The following FAM89A variants were observed in gnomAD, a reference collection of about 807,000 sequenced individuals.
The protein encoded by FAM89A is family with sequence similarity 89 member A.
A neutral mutation model predicts 7.1 loss-of-function variants in FAM89A; 10 were observed. That is an observed-to-expected ratio of 1.40 (90% CI 0.86 to 2.38). The LOEUF (loss-of-function observed/expected upper bound fraction) is 2.38. Among genes scored for constraint, FAM89A ranks in the 30% most tolerant of loss-of-function variants. The pLI is 0.00. For missense variants in FAM89A, 276 were observed against 262.8 expected (o/e 1.05, Z -0.35); for synonymous variants, 157 against 129.3 (o/e 1.21, Z -1.45).
chr1:231,021,870 A>G, intron 1 of FAM89A: 1 of 1,587,354 alleles, frequency 6.3e-7, no homozygotes, highest in South Asian at 1.1e-5. Context: ...CCCCAGGACC[A>G]TGCTGACAGC....
chr1:231,037,858 C>T lies in FAM89A; in HGVS notation c.291+2063G>A, dbSNP rs550636539. On this transcript the variant is annotated intron_variant, in intron 1 of 1. Transcript: ENST00000366654. Reference sequence around the variant, plus strand: ...GAAGTTGCCCCTCTTTCTATGCTTGCTTTAAAAAAAAAAATTTCTTTAAGG... The same window carrying T: ...GAAGTTGCCCCTCTTTCTATGCTTGTTTTAAAAAAAAAAATTTCTTTAAGG... Among the ~76,000 whole-genome samples the T allele has an allele frequency of 1.4e-3, 209 of 152,020 alleles. 1 individual carries two copies. The highest frequency in any genetic ancestry group is 3.3e-3 in the Admixed American group (50 of 15,272).
chr1:231,025,592 GCT>G (rs1679955924), intron 1 of FAM89A, among the ~76,000 whole-genome samples: 1 of 152,002 alleles, frequency 6.6e-6, no homozygotes, highest in African/African-American at 2.4e-5. Flanking sequence ...AGACACCACT[GCT>G]TGCTCTTTTT....
intron 1 of FAM89A, chr1:231,021,916 G>A (rs1443025321): frequency 1.3e-6 from 2 of 1,523,090 alleles, no homozygotes; most frequent in African/African-American, 2.7e-5. Flanking sequence ...TGTTGTCCAG[G>A]GACAGAGACG....
intron 1 of FAM89A, among the ~76,000 whole-genome samples, chr1:231,024,076 T>C (rs1284816188): frequency 6.6e-6 from 1 of 152,212 alleles, no homozygotes; most frequent in East Asian, 1.9e-4. Context: ...AAAAAATGTC[T>C]TTCCTTTTTT....
intron 1 of FAM89A, chr1:231,021,854 A>C: frequency 6.3e-7 from 1 of 1,593,604 alleles, no homozygotes; most frequent in African/African-American, 1.3e-5. Context: ...GAATGCTAGG[A>C]GGCTGCCCCA....
rs1268826828 is a variant in FAM89A, at chr1:231,019,123, G to C, written c.*740C>G. The C allele has an allele frequency of 6.6e-6, 1 of 150,890 alleles. No individual in the cohort carries two copies. Among genetic ancestry groups the C allele is most frequent in the African/African-American group, 2.4e-5 (1 of 41,004 alleles). 9.3% of individuals were successfully genotyped at this position (150,890 alleles called of 1,614,324 possible). ...CGGAATCTTAAAAATGAAAACATTT[G>C]CCATCTTACAGTGAGTGATACATCA... On this transcript the variant is annotated 3_prime_UTR_variant, in exon 2 of 2. Transcript: ENST00000366654.
chr1:231,037,693 C>A (rs1437737565), intron 1 of FAM89A, among the ~76,000 whole-genome samples: 1 of 152,150 alleles, frequency 6.6e-6, no homozygotes, highest in Non-Finnish European at 1.5e-5. Context: ...GTCCACCTGC[C>A]CAGGCCCTTC....
intron 1 of FAM89A, chr1:231,021,953 A>C: frequency 1.4e-6 from 2 of 1,418,368 alleles, no homozygotes; most frequent in South Asian, 1.2e-5. Flanking sequence ...CACTTCCAGA[A>C]ACACCAGGGA....
chr1:231,033,582 G>A (rs1303744688), intron 1 of FAM89A, among the ~76,000 whole-genome samples: 1 of 152,168 alleles, frequency 6.6e-6, no homozygotes, highest in African/African-American at 2.4e-5. Context: ...AGAAATGCCA[G>A]GGCTATTGCT....
At position 231,019,785 on chromosome 1, in the gene FAM89A, T is replaced by C. The variant is rs1679837660; in HGVS notation, c.*78A>G. On this transcript the variant is annotated 3_prime_UTR_variant, in exon 2 of 2. Transcript: ENST00000366654. ...GACCGTCCACAACGGAGGTGCTTTCTTGCAAGAGAAGCAGCAAATGATGAC... is the reference window on the plus strand; with the variant it reads ...GACCGTCCACAACGGAGGTGCTTTCCTGCAAGAGAAGCAGCAAATGATGAC... 1 of 1,520,844 alleles carries C rather than the reference T, an allele frequency of 6.6e-7. No homozygotes were observed. The highest frequency in any genetic ancestry group is 1.3e-5 in the South Asian group (1 of 79,742). The allele number at this position is 1,520,844 out of a possible 1,614,324, so 94.2% of individuals were successfully genotyped here. A position where few individuals can be genotyped will look rare whatever the true frequency, so the allele number is the denominator to read the frequency against.
intron 1 of FAM89A, among the ~76,000 whole-genome samples, chr1:231,032,371 A>T (rs911859902): frequency 2.3e-5 from 1 of 43,370 alleles, no homozygotes; most frequent in Non-Finnish European, 5.2e-5. Flanking sequence ...GCCCCACCCC[A>T]CCCCGCCCCC....
chr1:231,029,002 T>A (rs1174568133), intron 1 of FAM89A, among the ~76,000 whole-genome samples: 1 of 152,140 alleles, frequency 6.6e-6, no homozygotes, highest in African/African-American at 2.4e-5. Context: ...AGCTGGGTGT[T>A]AAGTCACTGA....
At chr1:231,034,281 A>G (rs1381932333) in intron 1 of FAM89A, among the ~76,000 whole-genome samples, 1 of 152,222 alleles carries the variant, frequency 6.6e-6, no homozygotes, top group African/African-American at 2.4e-5. Context: ...AAAGAACCAT[A>G]GAGGCATGAG....
At chr1:231,030,817 TAA>T (rs1027032606) in intron 1 of FAM89A, among the ~76,000 whole-genome samples, 1 of 152,162 alleles carries the variant, frequency 6.6e-6, no homozygotes, top group African/African-American at 2.4e-5. Context: ...TGAGAAAATT[TAA>T]AAGTCACCAA....
At chr1:231,035,333 T>A (rs545130545) in intron 1 of FAM89A, among the ~76,000 whole-genome samples, 2 of 152,220 alleles carry the variant, frequency 1.3e-5, no homozygotes, top group African/African-American at 2.4e-5. Flanking sequence ...TGTGGATGAC[T>A]TCCCACTCTG....
At chr1:231,030,105 T>C (rs189367854) in intron 1 of FAM89A, among the ~76,000 whole-genome samples, 1 of 152,364 alleles carries the variant, frequency 6.6e-6, no homozygotes, top group Admixed American at 6.5e-5. Flanking sequence ...TCCAGCTCTG[T>C]GCTCACTAAA....
Position 231,019,138 on chromosome 1 carries a change from G to A in FAM89A, c.*725C>T, listed in dbSNP as rs1371158267. 2.0e-5 allele frequency: 3 copies of A among 150,470 alleles called. No homozygotes were observed. Among genetic ancestry groups the A allele is most frequent in the Non-Finnish European group, 4.4e-5 (3 of 67,844 alleles). 9.3% of individuals were successfully genotyped at this position (150,470 alleles called of 1,614,324 possible). A position where few individuals can be genotyped will look rare whatever the true frequency, so the allele number is the denominator to read the frequency against. On this transcript the variant is annotated 3_prime_UTR_variant, in exon 2 of 2. Transcript: ENST00000366654. ...GAAAACATTTGCCATCTTACAGTGA[G>A]TGATACATCACATTGGCTTGCCCCA...
At chr1:231,028,436 C>T (rs75848748) in intron 1 of FAM89A, 5,046 of 152,154 alleles carry the variant, frequency 0.033, 106 homozygotes, top group Middle Eastern at 0.092. Flanking sequence ...ATGGTTAAGT[C>T]ACCATGAACA....
chr1:231,029,224 A>G (rs1488555296), intron 1 of FAM89A, among the ~76,000 whole-genome samples: 1 of 152,234 alleles, frequency 6.6e-6, no homozygotes, highest in African/African-American at 2.4e-5. Context: ...TTACAGGCTC[A>G]CGCCTGTAAT....
Sources: gnomAD v4.1 joint callset for allele counts (sites outside exome capture counted in the v4.1 genomes callset) on GRCh38, gnomAD v4.1.1 for gene constraint, MANE v1.5 for transcripts, NCBI Gene and HGNC (gene_info 2026-07-23, HGNC 2026-07-21) for gene names.